Variants in PTPRN2 observed in about 807,000 individuals in gnomAD.
The protein encoded by PTPRN2 is protein tyrosine phosphatase receptor type N2.
Under a neutral mutation model 118.8 loss-of-function variants are expected in PTPRN2, and 74 were observed. The ratio of observed to expected loss-of-function variants is 0.62; its 90% CI spans 0.52 to 0.76. The LOEUF is 0.76. PTPRN2 is among the 30% of genes least tolerant of loss of function. The pLI is 0.00. For synonymous variants in PTPRN2, 641 were observed against 608.0 expected, an observed-to-expected ratio of 1.05 and a Z score of -0.80; for missense variants, 1,481 against 1,394.4, an observed-to-expected ratio of 1.06 and a Z score of -0.99.
At chr7:158,492,335 C>T (rs902602291) in intron 1 of PTPRN2, among the ~76,000 whole-genome samples, 1 of 152,220 alleles carries the variant, frequency 6.6e-6, no homozygotes. Context: ...ACACAGCTCA[C>T]GTTCTAACTC....
At chr7:158,582,753 C>T (rs998781712) in intron 1 of PTPRN2, among the ~76,000 whole-genome samples, 2 of 136,298 alleles carry the variant, frequency 1.5e-5, no homozygotes, top group Admixed American at 8.0e-5. Flanking sequence ...GCCATGATTG[C>T]GCCATTGTAC....
At chr7:158,007,196 TAC>T (rs1805686711) in intron 11 of PTPRN2, among the ~76,000 whole-genome samples, 1 of 152,162 alleles carries the variant, frequency 6.6e-6, no homozygotes, top group South Asian at 2.1e-4. Flanking sequence ...TTTCTCCAAA[TAC>T]AGTCGCCTTA....
rs532692107 is a variant in PTPRN2, at chr7:158,323,980, A to C, written c.164-7048T>G. On this transcript the variant is annotated intron_variant, in intron 2 of 22. Transcript: ENST00000389418. ...ATTCCAACACATGTACACACACACA[A>C]GTGTGCACACACTCATTTGCATGCA... is the stretch of plus-strand genomic sequence containing the variant. 5.1e-3 allele frequency among the ~76,000 whole-genome samples: 761 copies of C among 150,248 alleles called. 11 individuals carry two copies. Among genetic ancestry groups the C allele is most frequent in the African/African-American group, 0.018 (723 of 40,792 alleles).
rs1313834662 is a variant in PTPRN2 at position 157,632,026 on chromosome 7, T to C, written c.2197-10517A>G. 1.3e-5 allele frequency among the ~76,000 whole-genome samples: 2 copies of C among 152,186 alleles called. No individual in the cohort carries two copies. Among genetic ancestry groups the C allele is most frequent in the Non-Finnish European group, 2.9e-5 (2 of 68,036 alleles). On this transcript the variant is annotated intron_variant, in intron 14 of 22. Transcript: ENST00000389418. This position sits in a 1 kb window ranked among gnomAD's most constrained non-coding sequence, Gnocchi z 4.3. ...GCAAAGGGAAAGGAAGGTTAACTCT[T>C]TGCAAAGTGGTGTGTTAAGAGGACA...
chr7:158,079,751 C>T (rs772356283), intron 11 of PTPRN2, among the ~76,000 whole-genome samples: 12 of 152,208 alleles, frequency 7.9e-5, no homozygotes, highest in Admixed American at 6.5e-4. Flanking sequence ...CTGGCAGCCA[C>T]GAGGCACTGA....
At position 158,478,788 on chromosome 7, in the gene PTPRN2, T is replaced by G. The variant is rs185463145; in HGVS notation, c.163+10947A>C. On this transcript the variant is annotated intron_variant, in intron 2 of 22. Transcript: ENST00000389418. ...AGATGTAATTCAGTGGCTGTTTAAT[T>G]AGCAACTTGTGTGGCAGACACGTTC... 1.4e-3 allele frequency among the ~76,000 whole-genome samples: 210 copies of G among 152,204 alleles called. 1 individual carries two copies. Among genetic ancestry groups the G allele is most frequent in the African/African-American group, 4.8e-3 (201 of 41,538 alleles).
chr7:158,344,692 C>A (rs57347259), intron 2 of PTPRN2, among the ~76,000 whole-genome samples: 1 of 151,952 alleles, frequency 6.6e-6, no homozygotes, highest in Non-Finnish European at 1.5e-5. Flanking sequence ...TGGAGGTGGT[C>A]GCTCTCCCCA....
chr7:157,769,582 C>T (rs1410437888), intron 12 of PTPRN2, among the ~76,000 whole-genome samples: 1 of 152,198 alleles, frequency 6.6e-6, no homozygotes, highest in Non-Finnish European at 1.5e-5. Flanking sequence ...TTCTGCAGGC[C>T]TTGGGTAGAA....
chr7:157,562,969 C>G (rs1799278058), intron 21 of PTPRN2, among the ~76,000 whole-genome samples: 1 of 129,554 alleles, frequency 7.7e-6, no homozygotes, highest in African/African-American at 3.0e-5. Flanking sequence ...GGACCACGTG[C>G]TCCCGCTTCA....
chr7:157,614,316 G>A (rs998575932), intron 15 of PTPRN2, among the ~76,000 whole-genome samples: 1 of 152,152 alleles, frequency 6.6e-6, no homozygotes, highest in African/African-American at 2.4e-5. Context: ...AAGGGGGCAG[G>A]TGAGCTTCTC....
At chr7:157,701,344 CA>C (rs2150864229) in intron 12 of PTPRN2, among the ~76,000 whole-genome samples, 1 of 152,286 alleles carries the variant, frequency 6.6e-6, no homozygotes, top group African/African-American at 2.4e-5. Context: ...GGGTCTCCGC[CA>C]GAGCCTCCAA....
At chr7:157,747,886 GGGTGATT>G (rs1801101570) in intron 12 of PTPRN2, among the ~76,000 whole-genome samples, 1 of 115,418 alleles carries the variant, frequency 8.7e-6, no homozygotes, top group African/African-American at 3.4e-5. Context: ...TGGGGTGTCC[GGGTGATT>G]CTGAGGCCTG....
At chr7:158,495,912 G>C (rs889112824) in intron 1 of PTPRN2, among the ~76,000 whole-genome samples, 1 of 151,992 alleles carries the variant, frequency 6.6e-6, no homozygotes, top group Non-Finnish European at 1.5e-5. Flanking sequence ...AAAGGAAGAG[G>C]GAGAGAGGGA....
chr7:158,329,639 G>A (rs149027964), intron 2 of PTPRN2, among the ~76,000 whole-genome samples: 8 of 152,288 alleles, frequency 5.3e-5, no homozygotes, highest in African/African-American at 1.9e-4. Context: ...AATGTCTGCT[G>A]TTTCTAAGCC....
intron 4 of PTPRN2, among the ~76,000 whole-genome samples, chr7:158,193,242 G>A (rs112978687): frequency 0.019 from 2,846 of 152,274 alleles, 40 homozygotes; most frequent in Non-Finnish European, 0.032. Flanking sequence ...AACCAGGCAC[G>A]GCTGGCCAGG....
intron 2 of PTPRN2, among the ~76,000 whole-genome samples, chr7:158,470,147 C>T (rs1819748263): frequency 1.3e-5 from 2 of 152,228 alleles, no homozygotes; most frequent in African/African-American, 4.8e-5. Flanking sequence ...AAAAGAATCT[C>T]ATTTGGACAT....
chr7:157,845,900 GA>G lies in PTPRN2; in HGVS notation c.1788+52772del, dbSNP rs528319507. 4.6e-5 allele frequency among the ~76,000 whole-genome samples: 7 copies of G among 152,132 alleles called. No individual in the cohort carries two copies. Among genetic ancestry groups the G allele is most frequent in the Admixed American group, 2.0e-4 (3 of 15,278 alleles). On this transcript the variant is annotated intron_variant, in intron 12 of 22. Transcript: ENST00000389418. The surrounding 1 kb of genome is among the most constrained non-coding windows in gnomAD (Gnocchi z 4.5). ...AGGCAGATTAAAGCCTAAATGGGGGGAAAAAACCTGTAAATGTTTTGAAGAA... is the reference window on the plus strand; with the variant it reads ...AGGCAGATTAAAGCCTAAATGGGGGGAAAAACCTGTAAATGTTTTGAAGAA...
chr7:158,023,411 A>C (rs1296012291), intron 11 of PTPRN2, among the ~76,000 whole-genome samples: 1 of 152,088 alleles, frequency 6.6e-6, no homozygotes, highest in African/African-American at 2.4e-5. Context: ...CTTGGCCTCT[A>C]CTGTGGCTGT....
chr7:158,097,310 G>A (rs571894678), intron 10 of PTPRN2, among the ~76,000 whole-genome samples: 52 of 152,192 alleles, frequency 3.4e-4, no homozygotes, highest in African/African-American at 1.1e-3. Flanking sequence ...CACCTCCCGC[G>A]CCCCGTGCAC....
Sources: gnomAD v4.1 joint callset for allele counts (sites outside exome capture counted in the v4.1 genomes callset) on GRCh38, gnomAD v4.1.1 for gene constraint, Gnocchi (gnomAD v3.1) non-coding constraint, MANE v1.5 for transcripts, NCBI Gene and HGNC (gene_info 2026-07-23, HGNC 2026-07-21) for gene names.